Variants in LMO7 observed in about 807,000 individuals in gnomAD.
The protein encoded by LMO7 is LIM domain 7, also known as LIM domain only protein 7.
Under a neutral mutation model 206.5 loss-of-function variants are expected in LMO7, and 120 were observed. The ratio of observed to expected loss-of-function variants is 0.58; its 90% CI spans 0.50 to 0.68. The LOEUF (loss-of-function observed/expected upper bound fraction) is 0.68. Ranked by LOEUF, LMO7 falls within the 30% of genes least tolerant of loss-of-function variation. LMO7 has a pLI of 0.00. For missense variants in LMO7, 1,959 were observed against 1,957.9 expected (o/e 1.00, Z -0.01); for synonymous variants, 706 against 681.5 (o/e 1.04, Z -0.56).
intron 3 of LMO7, among the ~76,000 whole-genome samples, chr13:75,732,075 A>T (rs1296200327): frequency 6.6e-6 from 1 of 150,958 alleles, no homozygotes; most frequent in South Asian, 2.1e-4. Context: ...CTTCATTTCA[A>T]CTTTAGTGAA....
intron 2 of LMO7, among the ~76,000 whole-genome samples, chr13:75,720,478 G>T (rs1312337389): frequency 1.3e-5 from 2 of 152,116 alleles, no homozygotes; most frequent in Non-Finnish European, 2.9e-5. Context: ...TTTATATTTA[G>T]GTCTGTGATC....
intron 4 of LMO7, 119 bp from the exon 5 acceptor site, chr13:75,795,282 G>T: frequency 1.5e-6 from 1 of 673,174 alleles, no homozygotes; most frequent in Non-Finnish European, 2.6e-6. Flanking sequence ...AAGAGATTTG[G>T]ACTTCCATGT....
intron 18 of LMO7, among the ~76,000 whole-genome samples, chr13:75,836,180 C>T (rs2059109021): frequency 6.6e-6 from 1 of 152,108 alleles, no homozygotes; most frequent in South Asian, 2.1e-4. Flanking sequence ...TAAACTTAAA[C>T]TCATCCATGC....
At chr13:75,760,368 G>T in intron 3 of LMO7, 1 of 1,040,470 alleles carries the variant, frequency 9.6e-7, no homozygotes, top group Non-Finnish European at 1.2e-6. Flanking sequence ...TTTCTCCTCA[G>T]TCCTATAGTA....
At position 75,836,429 on chromosome 13, in the gene LMO7, T is replaced by C. The variant is rs1350403499; in HGVS notation, c.3366T>C (p.His1122=). ...NIESKEINGI[H]DESNAFESKA... is the part of the protein sequence containing the mutation. ...AATCCAAAGAAATCAATGGAATTCA[T>C]GATGAAAGCAATGCTTTTGAATCAA... Residue 1122 remains histidine, a synonymous_variant, in exon 19 of 31, where the codon CAT becomes CAC. Transcript: ENST00000377534. 4.6e-6 allele frequency: 7 copies of C among 1,537,282 alleles called. No individual in the cohort carries two copies. The highest frequency in any genetic ancestry group is 4.4e-6 in the Non-Finnish European group (5 of 1,126,238).
At chr13:75,739,051 C>T (rs1449084432) in intron 3 of LMO7, among the ~76,000 whole-genome samples, 1 of 152,178 alleles carries the variant, frequency 6.6e-6, no homozygotes, top group Non-Finnish European at 1.5e-5. Flanking sequence ...CCATTTGTGA[C>T]AGTTAAAAAT....
rs534154655 is a variant in LMO7 at position 75,704,379 on chromosome 13, G to T, written c.70-8803G>T. The stretch of plus-strand genomic sequence containing the variant: ...TGTTGAAATGATTGGTGTGATGATG[G>T]TTTGTATCTTAAGTATCATGACCTA... On this transcript the variant is annotated intron_variant, in intron 1 of 30. Transcript: ENST00000377534. Among the ~76,000 whole-genome samples the T allele has an allele frequency of 3.9e-5, 6 of 152,248 alleles. No homozygotes were observed. The East Asian group carries it at 1.2e-3, about 29-fold the overall frequency.
intron 1 of LMO7, among the ~76,000 whole-genome samples, chr13:75,668,789 G>T (rs572033820): frequency 5.3e-5 from 8 of 152,180 alleles, no homozygotes; most frequent in Non-Finnish European, 1.2e-4. Flanking sequence ...GACAAAGAGA[G>T]ATCATAGAAA....
chr13:75,768,998 G>A (rs1421619490), intron 4 of LMO7, among the ~76,000 whole-genome samples: 1 of 152,076 alleles, frequency 6.6e-6, no homozygotes, highest in African/African-American at 2.4e-5. Flanking sequence ...GGTACTGTTT[G>A]AGATGAAAGC....
chr13:75,738,607 AT>A (rs1649525989), intron 3 of LMO7, among the ~76,000 whole-genome samples: 1 of 152,152 alleles, frequency 6.6e-6, no homozygotes, highest in African/African-American at 2.4e-5. Context: ...TTTTAAAAAA[AT>A]CTAACCCAAG....
At chr13:75,800,926 G>A (rs2054641962) in intron 7 of LMO7, 44 bp downstream of exon 7, 2 of 1,560,900 alleles carry the variant, frequency 1.3e-6, no homozygotes, top group Non-Finnish European at 8.8e-7. Context: ...CACATATTAA[G>A]GGAGAACTGG....
intron 4 of LMO7, among the ~76,000 whole-genome samples, 197 bp from the exon 5 acceptor site, chr13:75,795,204 A>G (rs1394970557): frequency 6.6e-6 from 1 of 152,230 alleles, no homozygotes; most frequent in Non-Finnish European, 1.5e-5. Flanking sequence ...ACAGAAAATC[A>G]ATGCATTATA....
At chr13:75,626,889 A>G (rs1370582527) in intron 2 of LMO7, 2 of 151,930 alleles carry the variant, frequency 1.3e-5, no homozygotes, top group Non-Finnish European at 2.9e-5. Context: ...CTCAGCCAAT[A>G]TATTTTTAAG....
intron 1 of LMO7, among the ~76,000 whole-genome samples, chr13:75,622,109 G>A (rs1375873705): frequency 6.6e-6 from 1 of 152,064 alleles, no homozygotes; most frequent in East Asian, 1.9e-4. Flanking sequence ...GTGCATATAT[G>A]TATGGGGTAC....
intron 3 of LMO7, among the ~76,000 whole-genome samples, chr13:75,744,782 G>A (rs965195361): frequency 1.7e-4 from 26 of 152,162 alleles, no homozygotes; most frequent in African/African-American, 6.3e-4. Flanking sequence ...AGTCATAGCT[G>A]TAAAAGAGAC....
intron 3 of LMO7, among the ~76,000 whole-genome samples, chr13:75,751,748 A>G (rs559032786): frequency 6.6e-6 from 1 of 152,020 alleles, no homozygotes; most frequent in African/African-American, 2.4e-5. Flanking sequence ...GTGTCTTTTC[A>G]CTTTTGCTTA....
intron 3 of LMO7, among the ~76,000 whole-genome samples, chr13:75,740,663 G>T (rs2139159028): frequency 6.6e-6 from 1 of 152,304 alleles, no homozygotes; most frequent in East Asian, 1.9e-4. Context: ...AAAGGTTTCT[G>T]CTGGGTGAAT....
chr13:75,741,430 A>G (rs981657907), intron 3 of LMO7, among the ~76,000 whole-genome samples: 1 of 152,240 alleles, frequency 6.6e-6, no homozygotes, highest in Non-Finnish European at 1.5e-5. Context: ...GATGTTTTCA[A>G]AAGGAAACTC....
intron 6 of LMO7, among the ~76,000 whole-genome samples, chr13:75,798,513 A>T (rs1279475930): frequency 6.6e-6 from 1 of 152,230 alleles, no homozygotes; most frequent in Admixed American, 6.5e-5. Flanking sequence ...TCCTGTTACC[A>T]GTTTCAAAAC....
Sources: allele counts gnomAD v4.1 joint callset (sites outside exome capture counted in the v4.1 genomes callset), GRCh38; gene constraint gnomAD v4.1.1; transcripts MANE v1.5; gene names NCBI Gene and HGNC (gene_info 2026-07-23, HGNC 2026-07-21).